The following RGPD2 variants were observed in gnomAD, a reference collection of about 807,000 sequenced individuals.
The protein encoded by RGPD2 is RANBP2 like and GRIP domain containing 2.
Under a neutral mutation model 36.0 loss-of-function variants are expected in RGPD2, and 2 were observed. The ratio of observed to expected loss-of-function variants is 0.06; its 90% CI spans 0.02 to 0.17. The LOEUF (loss-of-function observed/expected upper bound fraction) is 0.17. Ranked by LOEUF, RGPD2 falls within the 10% of genes least tolerant of loss-of-function variation. RGPD2 has a pLI of 1.00. For synonymous variants in RGPD2, 19 were observed against 163.8 expected, an observed-to-expected ratio of 0.12 and a Z score of 6.75; for missense variants, 40 against 464.3, an observed-to-expected ratio of 0.09 and a Z score of 8.40.
chr2:87,844,633 T>C, the RGPD2 span, among the ~76,000 whole-genome samples: 1 of 151,858 alleles, frequency 6.6e-6, no homozygotes, highest in Non-Finnish European at 1.5e-5. Context: ...ATACATTATA[T>C]ATATATATTC....
the RGPD2 span, among the ~76,000 whole-genome samples, chr2:87,902,309 C>T: frequency 1.3e-5 from 2 of 152,216 alleles, no homozygotes; most frequent in African/African-American, 4.8e-5. Flanking sequence ...CCAATTTAGT[C>T]AACATCAGTG....
At chr2:87,963,892 G>C in the RGPD2 span, among the ~76,000 whole-genome samples, 1 of 129,818 alleles carries the variant, frequency 7.7e-6, no homozygotes, top group Non-Finnish European at 1.5e-5. Context: ...CTGGACTCCA[G>C]TGGCGCAATC....
At chr2:87,878,588 T>C in the RGPD2 span, among the ~76,000 whole-genome samples, 4 of 152,242 alleles carry the variant, frequency 2.6e-5, no homozygotes, top group South Asian at 4.1e-4. Flanking sequence ...GACAGGAACA[T>C]TTAAAATTCT....
chr2:87,875,280 C>A, the RGPD2 span, among the ~76,000 whole-genome samples: 2 of 152,142 alleles, frequency 1.3e-5, no homozygotes, highest in African/African-American at 4.8e-5. Context: ...TTGTTTTGTG[C>A]CACTTTGCAA....
chr2:87,872,515 T>G, the RGPD2 span, among the ~76,000 whole-genome samples: 1 of 152,128 alleles, frequency 6.6e-6, no homozygotes, highest in Non-Finnish European at 1.5e-5. Context: ...CTATCCTTTT[T>G]TTTTCAACTT....
At chr2:87,945,147 T>C in the RGPD2 span, among the ~76,000 whole-genome samples, 2 of 152,222 alleles carry the variant, frequency 1.3e-5, no homozygotes, top group Admixed American at 1.3e-4. Context: ...TAATTGTATT[T>C]AGATTGTTTA....
At chr2:87,860,670 T>C in the RGPD2 span, among the ~76,000 whole-genome samples, 3 of 152,058 alleles carry the variant, frequency 2.0e-5, no homozygotes, top group Non-Finnish European at 2.9e-5. Flanking sequence ...ATAGTTTCAT[T>C]TGAGACAAAC....
the RGPD2 span, among the ~76,000 whole-genome samples, chr2:87,964,166 A>G: frequency 6.6e-6 from 1 of 152,266 alleles, no homozygotes; most frequent in Non-Finnish European, 1.5e-5. Flanking sequence ...AGGAACTCAA[A>G]AGACTTTTCT....
chr2:87,894,294 G>A, the RGPD2 span, among the ~76,000 whole-genome samples: 2 of 151,850 alleles, frequency 1.3e-5, no homozygotes, highest in African/African-American at 4.8e-5. Flanking sequence ...ATTTGATACT[G>A]TGTTTAATAT....
the RGPD2 span, among the ~76,000 whole-genome samples, chr2:87,955,424 G>A: frequency 2.9e-5 from 1 of 34,846 alleles, no homozygotes; most frequent in Non-Finnish European, 5.0e-5. Flanking sequence ...TTGGTTTCTC[G>A]CATTCAGCAT....
At chr2:87,877,817 A>C in the RGPD2 span, among the ~76,000 whole-genome samples, 2 of 151,000 alleles carry the variant, frequency 1.3e-5, no homozygotes, top group Admixed American at 6.6e-5. Context: ...AAAAAAAAAA[A>C]AAAAAAAAAA....
At chr2:87,966,441 A>T in the RGPD2 span, among the ~76,000 whole-genome samples, 3 of 145,234 alleles carry the variant, frequency 2.1e-5, no homozygotes, top group Non-Finnish European at 4.6e-5. Flanking sequence ...GATTGTTAAA[A>T]CTCTGCCAGG....
At chr2:87,986,661 C>A in the RGPD2 span, among the ~76,000 whole-genome samples, 9 of 151,682 alleles carry the variant, frequency 5.9e-5, no homozygotes, top group African/African-American at 1.2e-4. Context: ...GGGTGGATCA[C>A]CTGAGGTCAG....
At chr2:87,921,556 C>T in the RGPD2 span, among the ~76,000 whole-genome samples, 1 of 152,136 alleles carries the variant, frequency 6.6e-6, no homozygotes, top group African/African-American at 2.4e-5. Flanking sequence ...TCCATAATAT[C>T]ACATGGCAAA....
chr2:87,896,920 A>G, the RGPD2 span, among the ~76,000 whole-genome samples: 1 of 149,476 alleles, frequency 6.7e-6, no homozygotes, highest in South Asian at 2.1e-4. Context: ...CCGTTAAAAT[A>G]ATAGATGAGT....
the RGPD2 span, among the ~76,000 whole-genome samples, chr2:87,943,882 A>C: frequency 1.3e-5 from 2 of 152,056 alleles, no homozygotes; most frequent in Non-Finnish European, 2.9e-5. Context: ...TTCTTTTTCT[A>C]ATATATAATC....
the RGPD2 span, among the ~76,000 whole-genome samples, chr2:87,912,931 T>C: frequency 6.7e-6 from 1 of 148,798 alleles, no homozygotes; most frequent in Non-Finnish European, 1.5e-5. Context: ...TGGCTCTGAG[T>C]CAAATTTCAT....
the RGPD2 span, among the ~76,000 whole-genome samples, chr2:87,915,631 C>T: frequency 4.5e-4 from 60 of 133,566 alleles, no homozygotes; most frequent in Non-Finnish European, 1.8e-4. Context: ...TATATATGTG[C>T]GTGTATATAT....
At chr2:87,839,809 A>G in the RGPD2 span, among the ~76,000 whole-genome samples, 1 of 151,968 alleles carries the variant, frequency 6.6e-6, no homozygotes, top group African/African-American at 2.4e-5. Flanking sequence ...TTGAAAATCC[A>G]CCTACTGGGT....
Sources: gnomAD v4.1 joint callset for allele counts (sites outside exome capture counted in the v4.1 genomes callset) on GRCh38, gnomAD v4.1.1 for gene constraint, MANE v1.5 for transcripts, NCBI Gene and HGNC (gene_info 2026-07-23, HGNC 2026-07-21) for gene names.